Variants in CTNNA2 observed in about 807,000 individuals in gnomAD.
CTNNA2 encodes catenin alpha 2.
Under a neutral mutation model 101.0 loss-of-function variants are expected in CTNNA2, and 42 were observed. That is an observed-to-expected ratio of 0.42 (90% CI 0.32 to 0.54). The LOEUF (loss-of-function observed/expected upper bound fraction) is 0.54. CTNNA2 is among the 20% of genes least tolerant of loss of function. The probability of loss-of-function intolerance (pLI) is 0.14; values close to 1 mark genes in which losing one functional copy is unlikely to be tolerated. For missense variants in CTNNA2, 871 were observed against 1,223.1 expected, an observed-to-expected ratio of 0.71 and a Z score of 4.29; for synonymous variants, 450 against 456.4, an observed-to-expected ratio of 0.99 and a Z score of 0.18.
intron 9 of CTNNA2, among the ~76,000 whole-genome samples, chr2:80,489,494 A>G (rs1460499868): frequency 6.6e-6 from 1 of 152,188 alleles, no homozygotes; most frequent in Non-Finnish European, 1.5e-5. Flanking sequence ...CATCCTGAAC[A>G]TATTAGCCTC....
intron 4 of CTNNA2, among the ~76,000 whole-genome samples, chr2:79,412,693 C>A (rs979317905): frequency 3.9e-5 from 6 of 151,966 alleles, no homozygotes; most frequent in African/African-American, 1.4e-4. Flanking sequence ...TTCTTTGAAG[C>A]CAACGAGAAC....
chr2:79,313,025 C>G (rs956016788), intron 3 of CTNNA2, among the ~76,000 whole-genome samples: 1 of 152,178 alleles, frequency 6.6e-6, no homozygotes, highest in African/African-American at 2.4e-5. Context: ...ACGTTTGTAT[C>G]TCACAAGAAA....
chr2:79,192,941 T>C (rs1425645253), intron 1 of CTNNA2, among the ~76,000 whole-genome samples: 1 of 152,158 alleles, frequency 6.6e-6, no homozygotes, highest in Non-Finnish European at 1.5e-5. Flanking sequence ...TGAATTCTGT[T>C]TACTCCTACC....
At chr2:79,632,396 A>C (rs1208751960) in intron 1 of CTNNA2, among the ~76,000 whole-genome samples, 10 of 151,476 alleles carry the variant, frequency 6.6e-5, no homozygotes, top group Non-Finnish European at 1.3e-4. Context: ...AATTTTAATG[A>C]AAAAAAATCC....
At chr2:79,312,250 G>A (rs1245047039) in intron 2 of CTNNA2, among the ~76,000 whole-genome samples, 1 of 151,916 alleles carries the variant, frequency 6.6e-6, no homozygotes, top group Non-Finnish European at 1.5e-5. Context: ...TATAACATTA[G>A]TCAGTAGAAA....
chr2:79,780,073 A>G (rs910965438), intron 3 of CTNNA2, among the ~76,000 whole-genome samples: 1 of 152,202 alleles, frequency 6.6e-6, no homozygotes, highest in Non-Finnish European at 1.5e-5. Flanking sequence ...TAACCCAGAC[A>G]GTCCTTTCTA....
At chr2:80,061,762 A>C (rs1697615649) in intron 7 of CTNNA2, among the ~76,000 whole-genome samples, 1 of 152,208 alleles carries the variant, frequency 6.6e-6, no homozygotes, top group Non-Finnish European at 1.5e-5. Context: ...AGGATAGAAA[A>C]TCATGTTTTC....
intron 2 of CTNNA2, among the ~76,000 whole-genome samples, chr2:79,680,171 A>G (rs556363995): frequency 1.3e-5 from 2 of 151,988 alleles, no homozygotes; most frequent in Non-Finnish European, 2.9e-5. Flanking sequence ...GTTGTTTTAA[A>G]TGAGGCAGCA....
chr2:80,559,891 T>TTTATATATATATATATATATATACAC (rs67796030), intron 12 of CTNNA2, among the ~76,000 whole-genome samples: 52 of 146,872 alleles, frequency 3.5e-4, no homozygotes, highest in Non-Finnish European at 5.6e-4. Flanking sequence ...TATATATATA[T>TTTATATATATATATATATATATACAC]ACACACACAT....
rs188221160 is a variant in CTNNA2 at position 79,728,636 on chromosome 2, A to G, written c.103-15751A>G. On this transcript the variant is annotated intron_variant, in intron 2 of 18. Transcript: ENST00000402739. The stretch of plus-strand genomic sequence containing the variant: ...TGCCATTGCTTTTGGTGTTTCAGAC[A>G]TGAAGTCCTTGTCCATGCCTATGTC... 2.4e-3 allele frequency among the ~76,000 whole-genome samples: 366 copies of G among 152,334 alleles called. 2 individuals carry two copies. Among genetic ancestry groups the G allele is most frequent in the African/African-American group, 8.5e-3 (352 of 41,574 alleles).
At position 79,739,635 on chromosome 2, in the gene CTNNA2, G is replaced by C. The variant is rs888833186; in HGVS notation, c.103-4752G>C. Among the ~76,000 whole-genome samples the C allele has an allele frequency of 5.3e-5, 8 of 152,172 alleles. No homozygotes were observed. The East Asian group carries it at 1.5e-3, about 29-fold the overall frequency. ...TGTGTAGTGGTGAAGTCCAGAATAA[G>C]CCATTTCTTACAAGACTGCCAACAA... On this transcript the variant is annotated intron_variant, in intron 2 of 18. Transcript: ENST00000402739.
chr2:79,999,676 C>A (rs1692800563), intron 7 of CTNNA2, among the ~76,000 whole-genome samples: 1 of 152,186 alleles, frequency 6.6e-6, no homozygotes, highest in Admixed American at 6.6e-5. Context: ...TCCATCCAAC[C>A]ATTCATCCAT....
chr2:80,571,548 A>G (rs1332463907), intron 12 of CTNNA2, among the ~76,000 whole-genome samples: 3 of 151,502 alleles, frequency 2.0e-5, no homozygotes, highest in African/African-American at 2.4e-5. Flanking sequence ...CTTTTAGAAC[A>G]TGTAAGAACA....
chr2:79,886,644 G>A lies in CTNNA2; in HGVS notation c.852+12302G>A, dbSNP rs994664967. On this transcript the variant is annotated intron_variant, in intron 6 of 18. Transcript: ENST00000402739. ...CGGGCACCTGTAGTCCCAGCTACTC[G>A]GGAGGCTGAGGTAGGAGAATGGCAT... 8.7e-5 allele frequency among the ~76,000 whole-genome samples: 13 copies of A among 149,410 alleles called. No individual in the cohort carries two copies. The East Asian group carries it at 2.1e-3, about 24-fold the overall frequency.
intron 3 of CTNNA2, among the ~76,000 whole-genome samples, chr2:79,373,653 G>A (rs938074018): frequency 1.1e-5 from 1 of 94,756 alleles, no homozygotes; most frequent in Non-Finnish European, 2.0e-5. Context: ...CAAAAAAACG[G>A]TAACTCCCTG....
At chr2:79,329,475 G>A (rs1434410291) in intron 3 of CTNNA2, among the ~76,000 whole-genome samples, 1 of 152,088 alleles carries the variant, frequency 6.6e-6, no homozygotes, top group Non-Finnish European at 1.5e-5. Flanking sequence ...GCTTGCCTTG[G>A]GAAGCCTGGA....
At chr2:79,876,417 A>C (rs1683027401) in intron 6 of CTNNA2, among the ~76,000 whole-genome samples, 1 of 152,256 alleles carries the variant, frequency 6.6e-6, no homozygotes, top group African/African-American at 2.4e-5. Flanking sequence ...AAATTATTTT[A>C]TAAATTGGTG....
rs574501584 is a variant in CTNNA2, at chr2:80,266,703, A to T, written c.1057-126508A>T. Among the ~76,000 whole-genome samples the T allele has an allele frequency of 2.0e-5, 3 of 152,330 alleles. No individual in the cohort carries two copies. The South Asian group carries it at 6.2e-4, about 32-fold the overall frequency. ...ATTTTTGCCTTCTTGGCTGTACTTC[A>T]TCAGAAGAAGTTACTTGTGAAGTTG... On this transcript the variant is annotated intron_variant, in intron 7 of 18. Coordinates refer to ENST00000402739, the MANE Select transcript of CTNNA2 (RefSeq NM_001282597.3).
intron 7 of CTNNA2, among the ~76,000 whole-genome samples, chr2:79,946,099 T>C (rs1688474456): frequency 6.6e-6 from 1 of 152,106 alleles, no homozygotes; most frequent in Non-Finnish European, 1.5e-5. Context: ...TAATACCTCA[T>C]TAGAGTGGTC....
Sources: allele counts gnomAD v4.1 joint callset (sites outside exome capture counted in the v4.1 genomes callset), GRCh38; gene constraint gnomAD v4.1.1; transcripts MANE v1.5; gene names NCBI Gene and HGNC (gene_info 2026-07-23, HGNC 2026-07-21).